Variants in FIP1L1 observed in about 807,000 individuals in gnomAD.
FIP1L1 encodes factor interacting with PAPOLA and CPSF1, also known as pre-mRNA 3'-end-processing factor FIP1.
In FIP1L1, 21 loss-of-function variants were observed where a neutral mutation model predicts 84.6. That is an observed-to-expected ratio of 0.25 (90% CI 0.18 to 0.36). The LOEUF (loss-of-function observed/expected upper bound fraction) is 0.36, where lower values mean the gene tolerates loss of function less well. Among genes scored for constraint, FIP1L1 ranks in the 10% least tolerant of loss-of-function variants. The pLI is 1.00. For synonymous variants in FIP1L1, 263 were observed against 242.3 expected (o/e 1.09, Z -0.80); for missense variants, 526 against 751.1 (o/e 0.70, Z 3.50).
chr4:53,427,922 A>T, intron 12 of FIP1L1, 105 bp from the exon 13 acceptor site: 1 of 1,000,648 alleles, frequency 1.0e-6, no homozygotes, highest in Non-Finnish European at 1.4e-6. Context: ...TATGTGAATT[A>T]AACTACCTTT....
chr4:53,381,499 A>G (rs1737850729), intron 3 of FIP1L1, among the ~76,000 whole-genome samples: 3 of 152,220 alleles, frequency 2.0e-5, no homozygotes, highest in Non-Finnish European at 4.4e-5. Flanking sequence ...GTACTGAACA[A>G]TTATAGCTGC....
At chr4:53,417,738 A>AACACACACACAC (rs371194870) in intron 11 of FIP1L1, among the ~76,000 whole-genome samples, 23 of 70,390 alleles carry the variant, frequency 3.3e-4, no homozygotes, top group Middle Eastern at 8.1e-3. Flanking sequence ...TCTCTTTTTA[A>AACACACACACAC]ACACACACAC....
intron 13 of FIP1L1, among the ~76,000 whole-genome samples, chr4:53,436,051 G>A (rs1208439012): frequency 6.7e-6 from 1 of 148,636 alleles, no homozygotes; most frequent in Non-Finnish European, 1.5e-5. Context: ...ACGGAACTTG[G>A]AATTTACTAG....
chr4:53,379,130 G>C lies in FIP1L1; in HGVS notation c.130+13G>C. 6.2e-7 allele frequency: 1 copy of C among 1,613,966 alleles called. No individual in the cohort carries two copies. Among genetic ancestry groups the C allele is most frequent in the Non-Finnish European group, 8.5e-7 (1 of 1,179,900 alleles). ...GCAAAGGACCTAGGTTAGTGCTTGTGATGATCACTTCAGATTTTCATAATA... is the reference window on the plus strand; with the variant it reads ...GCAAAGGACCTAGGTTAGTGCTTGTCATGATCACTTCAGATTTTCATAATA... On this transcript the variant is annotated intron_variant, in intron 2 of 17. Transcript: ENST00000337488.
intron 11 of FIP1L1, among the ~76,000 whole-genome samples, chr4:53,416,351 A>G (rs989923119): frequency 5.3e-5 from 8 of 152,296 alleles, no homozygotes; most frequent in Non-Finnish European, 1.0e-4. Flanking sequence ...TTGGACTTGG[A>G]TTTTAGGTTT....
At chr4:53,441,423 A>T (rs1304539381) in intron 13 of FIP1L1, among the ~76,000 whole-genome samples, 1 of 151,928 alleles carries the variant, frequency 6.6e-6, no homozygotes, top group African/African-American at 2.4e-5. Context: ...TCTGAAAAAG[A>T]CTCATCAGGG....
Position 53,377,844 on chromosome 4 carries a change from G to T in FIP1L1, c.6G>T (p.Ser2=), listed in dbSNP as rs775845667. 8.8e-6 allele frequency: 14 copies of T among 1,581,928 alleles called. No individual in the cohort carries two copies. Among genetic ancestry groups the T allele is most frequent in the African/African-American group, 2.7e-5 (2 of 74,082 alleles). The change falls in exon 1 of 18, where the codon TCG becomes TCT. Residue 2 remains serine, a synonymous_variant. Coordinates refer to ENST00000337488, the MANE Select transcript of FIP1L1 (RefSeq NM_030917.4). M[S]AGEVERLVSE... is the part of the protein sequence containing the mutation. Reference sequence around the variant, plus strand: ...AAGTTGCGCTCGGGGCGGCCATGTCGGCCGGCGAGGTCGAGCGCCTAGTGT... The same window carrying T: ...AAGTTGCGCTCGGGGCGGCCATGTCTGCCGGCGAGGTCGAGCGCCTAGTGT...
intron 15 of FIP1L1, among the ~76,000 whole-genome samples, chr4:53,446,263 T>TA (rs774146362): frequency 3.9e-5 from 6 of 152,200 alleles, no homozygotes; most frequent in Non-Finnish European, 7.4e-5. Flanking sequence ...TTCCCCCTCT[T>TA]ACCATTTATG....
In FIP1L1 at chr4:53,448,249, G is replaced by A. The variant is rs531220293; in HGVS notation, c.1285+4146G>A. On this transcript the variant is annotated intron_variant, in intron 15 of 17. Coordinates refer to ENST00000337488, the MANE Select transcript of FIP1L1 (RefSeq NM_030917.4). ...ATTGAATAGTCTGTCGTTCCTGAGGGATGTACGATTGTCGTCTCTGTCATC... is the reference window on the plus strand; with the variant it reads ...ATTGAATAGTCTGTCGTTCCTGAGGAATGTACGATTGTCGTCTCTGTCATC... Among the ~76,000 whole-genome samples, 11 of 152,088 alleles carry A rather than the reference G, an allele frequency of 7.2e-5. No individual in the cohort carries two copies. In the South Asian group the frequency reaches 1.9e-3, roughly 26 times the overall value.
intron 10 of FIP1L1, among the ~76,000 whole-genome samples, chr4:53,406,082 G>C (rs1753256318): frequency 6.6e-6 from 1 of 151,988 alleles, no homozygotes; most frequent in Non-Finnish European, 1.5e-5. Context: ...TCCCTGTCTT[G>C]TGCCAGTTTT....
intron 15 of FIP1L1, among the ~76,000 whole-genome samples, chr4:53,446,759 A>G (rs1774354476): frequency 6.6e-6 from 1 of 152,168 alleles, no homozygotes; most frequent in Non-Finnish European, 1.5e-5. Context: ...AATACTCCAT[A>G]TTAGAAAGAG....
intron 10 of FIP1L1, among the ~76,000 whole-genome samples, chr4:53,402,984 G>A (rs898749168): frequency 2.0e-5 from 3 of 152,072 alleles, no homozygotes; most frequent in African/African-American, 7.2e-5. Context: ...CATTTTTCCC[G>A]GCAAAATAAT....
intron 13 of FIP1L1, among the ~76,000 whole-genome samples, chr4:53,437,000 G>A (rs985400874): frequency 2.0e-5 from 3 of 151,882 alleles, no homozygotes; most frequent in Admixed American, 2.0e-4. Context: ...GACCAGCCTG[G>A]GCAACATGAA....
intron 10 of FIP1L1, among the ~76,000 whole-genome samples, chr4:53,402,582 G>A (rs1443189149): frequency 3.3e-5 from 5 of 152,122 alleles, no homozygotes; most frequent in African/African-American, 1.2e-4. Context: ...CAAACCTGTA[G>A]TTCAAGCTAC....
intron 11 of FIP1L1, among the ~76,000 whole-genome samples, chr4:53,425,054 G>T (rs1265872824): frequency 6.6e-6 from 1 of 152,018 alleles, no homozygotes; most frequent in Non-Finnish European, 1.5e-5. Context: ...AGTTTTAAAG[G>T]CAGTATTGTT....
chr4:53,424,693 C>T (rs1346409736), intron 11 of FIP1L1, among the ~76,000 whole-genome samples: 1 of 152,056 alleles, frequency 6.6e-6, no homozygotes, highest in African/African-American at 2.4e-5. Context: ...TCAAGGTCTA[C>T]TTGAGATAAA....
Position 53,425,871 on chromosome 4 carries a change from GGA to G in FIP1L1, c.926_927del (p.Arg309IlefsTer6). 1 of 1,606,394 alleles carries G rather than the reference GGA, an allele frequency of 6.2e-7. No homozygotes were observed. The highest frequency in any genetic ancestry group is 8.5e-7 in the Non-Finnish European group (1 of 1,174,872). ...GAATTGATTCAATTTTTATGTTACA[GGA>G]GATTACCTGGGGCAATTGATGTTAT... On this transcript the variant is annotated frameshift_variant and splice_region_variant, in exon 12 of 18. Transcript: ENST00000337488. LOFTEE classifies it high-confidence loss of function.
chr4:53,404,476 G>C (rs1213570034), intron 10 of FIP1L1, among the ~76,000 whole-genome samples: 2 of 152,208 alleles, frequency 1.3e-5, no homozygotes, highest in Middle Eastern at 3.4e-3. Flanking sequence ...AGACATACGT[G>C]TGCATGTGTC....
chr4:53,395,701 TAGGA>T (rs1461028162), intron 9 of FIP1L1, among the ~76,000 whole-genome samples: 1 of 152,184 alleles, frequency 6.6e-6, no homozygotes, highest in African/African-American at 2.4e-5. Context: ...GGTACTGTTT[TAGGA>T]TGAGACATAG....
Sources: allele counts gnomAD v4.1 joint callset (sites outside exome capture counted in the v4.1 genomes callset), GRCh38; gene constraint gnomAD v4.1.1; transcripts MANE v1.5; gene names NCBI Gene and HGNC (gene_info 2026-07-23, HGNC 2026-07-21).